Variants in LRRC37A3 observed in about 807,000 individuals in gnomAD.
LRRC37A3 encodes leucine-rich repeat-containing protein 37A3.
A neutral mutation model predicts 106.2 loss-of-function variants in LRRC37A3; 25 were observed. That is an observed-to-expected ratio of 0.24 (90% confidence interval 0.17 to 0.33). The LOEUF (loss-of-function observed/expected upper bound fraction) is 0.33. Among genes scored for constraint, LRRC37A3 ranks in the 10% least tolerant of loss-of-function variants. LRRC37A3 has a pLI of 1.00. For missense variants in LRRC37A3, 712 were observed against 1,644.9 expected, an observed-to-expected ratio of 0.43 and a Z score of 9.81; for synonymous variants, 305 against 635.8, an observed-to-expected ratio of 0.48 and a Z score of 7.83.
At chr17:64,855,766 C>T (rs1201048141) in intron 14 of LRRC37A3, 74 bp downstream of exon 14, 42 of 1,602,956 alleles carry the variant, frequency 2.6e-5, no homozygotes, top group Non-Finnish European at 3.3e-5. Flanking sequence ...CGCGTCATTG[C>T]ACTCCAGCCT....
chr17:64,866,604 ATATATATATATATATATATATATATT>A (rs1567766472), intron 10 of LRRC37A3, among the ~76,000 whole-genome samples: 28 of 17,434 alleles, frequency 1.6e-3, no homozygotes, highest in African/African-American at 0.011. Context: ...ATATATATAT[ATATATATATATATATATATATATATT>A]TTTTTTTTTT....
intron 2 of LRRC37A3, chr17:64,898,992 G>GGTACACCATACC (rs1974220372): frequency 6.9e-6 from 1 of 145,096 alleles, no homozygotes; most frequent in East Asian, 2.0e-4. Flanking sequence ...AGGGTACACG[G>GGTACACCATACC]TATGGCTTAG....
rs1973704243 is a variant in LRRC37A3 at position 64,881,656 on chromosome 17, G to T, written c.2906+4430C>A. On this transcript the variant is annotated intron_variant, in intron 8 of 14. Coordinates refer to ENST00000584306, the MANE Select transcript of LRRC37A3 (RefSeq NM_199340.5). ...CCTGGAATCTGGCAGACCTGGGTTT[G>T]AATTCTGGCTCTGTCACTTTCTGGT... is the stretch of plus-strand genomic sequence containing the variant. 2.8e-5 allele frequency among the ~76,000 whole-genome samples: 4 copies of T among 142,620 alleles called. No homozygotes were observed. The Admixed American group carries it at 2.8e-4, about 10-fold the overall frequency. 93.6% of individuals were successfully genotyped at this position (142,620 alleles called of 152,430 possible). A position where few individuals can be genotyped will look rare whatever the true frequency, so the allele number is the denominator to read the frequency against.
At chr17:64,865,457 C>A (rs1005965387) in intron 10 of LRRC37A3, among the ~76,000 whole-genome samples, 1 of 152,178 alleles carries the variant, frequency 6.6e-6, no homozygotes, top group Admixed American at 6.5e-5. Flanking sequence ...CTTTTTCTGC[C>A]CCCAACTTTT....
At chr17:64,862,158 A>T (rs1261335875) in intron 11 of LRRC37A3, among the ~76,000 whole-genome samples, 1 of 152,196 alleles carries the variant, frequency 6.6e-6, no homozygotes, top group Non-Finnish European at 1.5e-5. Context: ...TTATGTAACC[A>T]AGCATTATTA....
chr17:64,909,889 T>C (rs1456269752), intron 2 of LRRC37A3: 1 of 152,110 alleles, frequency 6.6e-6, no homozygotes, highest in Non-Finnish European at 1.5e-5. Flanking sequence ...GTGAATTTCT[T>C]GACTGAATGG....
Position 64,859,743 on chromosome 17 carries a change from G to A in LRRC37A3, c.4403C>T (p.Ser1468Phe), listed in dbSNP as rs776185633. ...PKSFNYPLLS[S>F]PGDQFEIQLT... The stretch of plus-strand genomic sequence containing the variant: ...CTGAATTTCAAACTGATCACCTGGG[G>A]ACGAGAGCAATGGGTAATTGAAGCT... The change falls in exon 12 of 15, where the codon TCC becomes TTC. Residue 1468 changes from serine (S) to phenylalanine (F), a missense_variant. Coordinates refer to ENST00000584306, the MANE Select transcript of LRRC37A3 (RefSeq NM_199340.5). 2.5e-6 allele frequency: 4 copies of A among 1,613,280 alleles called. No individual in the cohort carries two copies. The highest frequency in any genetic ancestry group is 4.5e-5 in the East Asian group (2 of 44,868).
chr17:64,878,652 G>T (rs1196697775), intron 8 of LRRC37A3, among the ~76,000 whole-genome samples: 1 of 152,200 alleles, frequency 6.6e-6, no homozygotes, highest in Admixed American at 6.5e-5. Flanking sequence ...CACTCACTGG[G>T]ATGGCTATGA....
chr17:64,918,942 C>G (rs1378953750), intron 1 of LRRC37A3, 72 bp from the exon 2 acceptor site: 2 of 992,192 alleles, frequency 2.0e-6, no homozygotes, highest in African/African-American at 3.4e-5. Flanking sequence ...TGTTGACGGC[C>G]GTCCGGACCT....
intron 2 of LRRC37A3, chr17:64,910,232 C>G (rs1261778718): frequency 6.6e-6 from 1 of 152,286 alleles, no homozygotes; most frequent in African/African-American, 2.4e-5. Flanking sequence ...AAATCCTAGA[C>G]AGTTTTCAAG....
chr17:64,854,548 GT>G lies in LRRC37A3; in HGVS notation c.*50del. The G allele has an allele frequency of 6.2e-7, 1 of 1,613,476 alleles. No individual in the cohort carries two copies. Among genetic ancestry groups the G allele is most frequent in the Non-Finnish European group, 8.5e-7 (1 of 1,179,536 alleles). ...CAGTCCTGCTTTTTTGATGGCCGTTGTTTACGCTATGTATTTTTGCAGGAGG... is the reference window on the plus strand; with the variant it reads ...CAGTCCTGCTTTTTTGATGGCCGTTGTTACGCTATGTATTTTTGCAGGAGG... On this transcript the variant is annotated 3_prime_UTR_variant, in exon 15 of 15. Transcript: ENST00000584306.
intron 10 of LRRC37A3, among the ~76,000 whole-genome samples, chr17:64,867,843 G>T (rs1282726570): frequency 6.6e-5 from 10 of 151,958 alleles, no homozygotes; most frequent in Non-Finnish European, 1.5e-4. Flanking sequence ...GGAGGCTGAG[G>T]CAGGCGGATC....
chr17:64,859,108 A>C (rs1174677933), intron 12 of LRRC37A3, among the ~76,000 whole-genome samples: 1 of 151,976 alleles, frequency 6.6e-6, no homozygotes, highest in Admixed American at 6.6e-5. Flanking sequence ...ACGTGTCATC[A>C]ACCCAGCTAA....
At chr17:64,855,794 T>G (rs1363070716) in intron 14 of LRRC37A3, 46 bp downstream of exon 14, 5 of 1,609,520 alleles carry the variant, frequency 3.1e-6, no homozygotes, top group Non-Finnish European at 4.2e-6. Flanking sequence ...AGAGGGAAAC[T>G]CCGTCTCAAA....
intron 10 of LRRC37A3, among the ~76,000 whole-genome samples, chr17:64,866,586 G>C (rs1295852575): frequency 7.3e-5 from 2 of 27,554 alleles, no homozygotes; most frequent in Non-Finnish European, 1.3e-4. Context: ...ATATATACAC[G>C]TACATATATA....
rs71236448 is a variant in LRRC37A3, at chr17:64,866,629, T to TATATATATATA, written c.3053+1832_3053+1833insTATATATATAT. Among the ~76,000 whole-genome samples, 30 of 12,832 alleles carry TATATATATATA rather than the reference T, an allele frequency of 2.3e-3. 2 individuals are homozygous for TATATATATATA. The highest frequency in any genetic ancestry group is 0.016 in the East Asian group (3 of 184). 8.4% of individuals were successfully genotyped at this position (12,832 alleles called of 152,430 possible). ...ATATATATATATATATATATATATA[T>TATATATATATA]TTTTTTTTTTTTTTTTTTTTAGACA... is the stretch of plus-strand genomic sequence containing the variant. On this transcript the variant is annotated intron_variant, in intron 10 of 14. Coordinates refer to ENST00000584306, the MANE Select transcript of LRRC37A3 (RefSeq NM_199340.5).
intron 13 of LRRC37A3, among the ~76,000 whole-genome samples, chr17:64,858,262 CTG>C (rs1389708952): frequency 6.6e-6 from 1 of 152,200 alleles, no homozygotes; most frequent in Non-Finnish European, 1.5e-5. Flanking sequence ...GATGGCTACT[CTG>C]TAGTGCTTTA....
At chr17:64,917,257 A>C (rs1018367081) in intron 2 of LRRC37A3, among the ~76,000 whole-genome samples, 8 of 151,374 alleles carry the variant, frequency 5.3e-5, no homozygotes, top group South Asian at 4.2e-4. Flanking sequence ...AAAAAAAAAA[A>C]AAAAAAAAAA....
chr17:64,884,313 A>C (rs952392419), intron 8 of LRRC37A3, among the ~76,000 whole-genome samples: 1 of 151,198 alleles, frequency 6.6e-6, no homozygotes, highest in Admixed American at 6.6e-5. Flanking sequence ...TGCCTACATA[A>C]TTGTAGTGAA....
Sources: gnomAD v4.1 joint callset for allele counts (sites outside exome capture counted in the v4.1 genomes callset) on GRCh38, gnomAD v4.1.1 for gene constraint, MANE v1.5 for transcripts, NCBI Gene and HGNC (gene_info 2026-07-23, HGNC 2026-07-21) for gene names.